Variants in ZNF43 observed in about 807,000 individuals in gnomAD.
ZNF43 encodes the protein zinc finger protein 39-like 1 (KOX 27).
ZNF43 carries 44 observed loss-of-function variants against 68.4 expected under a neutral mutation model. The ratio of observed to expected loss-of-function variants is 0.64; its 90% CI spans 0.51 to 0.83. The LOEUF (loss-of-function observed/expected upper bound fraction) is 0.83. Among genes scored for constraint, ZNF43 ranks in the 40% least tolerant of loss-of-function variants. ZNF43 has a pLI of 0.00. For synonymous variants in ZNF43, 308 were observed against 307.8 expected, an observed-to-expected ratio of 1.00 and a Z score of -0.01; for missense variants, 896 against 933.2, an observed-to-expected ratio of 0.96 and a Z score of 0.52.
intron 1 of ZNF43, among the ~76,000 whole-genome samples, chr19:21,821,708 G>A (rs1315264492): frequency 6.6e-6 from 1 of 152,178 alleles, no homozygotes; most frequent in East Asian, 1.9e-4. Flanking sequence ...AAGCCATGAT[G>A]TAGAGAATGT....
At chr19:21,833,806 T>C (rs1401835564) in intron 1 of ZNF43, among the ~76,000 whole-genome samples, 4 of 151,902 alleles carry the variant, frequency 2.6e-5, no homozygotes, top group African/African-American at 9.7e-5. Flanking sequence ...GGCAGGTGGA[T>C]CTCCTGAGGT....
At chr19:21,843,776 C>T (rs1226490915) in intron 1 of ZNF43, among the ~76,000 whole-genome samples, 1 of 152,014 alleles carries the variant, frequency 6.6e-6, no homozygotes, top group Non-Finnish European at 1.5e-5. Context: ...GAGCGAAACT[C>T]GGTCTTAAAA....
upstream of ZNF43, chr19:21,840,016 G>A (rs994925754): frequency 5.5e-5 from 8 of 145,484 alleles, no homozygotes; most frequent in African/African-American, 2.3e-4. Context: ...CTGGTAGAAA[G>A]AGAGTCACAT....
chr19:21,826,703 G>A (rs935659202), intron 1 of ZNF43: 1 of 152,172 alleles, frequency 6.6e-6, no homozygotes, highest in African/African-American at 2.4e-5. Context: ...GGGTGTGGTG[G>A]TGCATACCTG....
In ZNF43 at chr19:21,836,104, C is replaced by T. The variant is rs1258059378; in HGVS notation, c.-66G>A. On this transcript the variant is annotated 5_prime_UTR_variant, in exon 1 of 4. Coordinates refer to ENST00000354959, the MANE Select transcript of ZNF43 (RefSeq NM_003423.4). Reference sequence around the variant, plus strand: ...CCCCCAATACCCGCAGGTCACAGAGCCACAGAGGCTGGACCTCTAGCAGCA... The same window carrying T: ...CCCCCAATACCCGCAGGTCACAGAGTCACAGAGGCTGGACCTCTAGCAGCA... 4 of 1,611,532 alleles carry T rather than the reference C, an allele frequency of 2.5e-6. No homozygotes were observed. Among genetic ancestry groups the T allele is most frequent in the African/African-American group, 2.7e-5 (2 of 74,868 alleles).
intron 1 of ZNF43, among the ~76,000 whole-genome samples, chr19:21,830,177 GGAGGCGGAGGTTGCAGT>G (rs1008784013): frequency 3.0e-4 from 46 of 152,030 alleles, no homozygotes; most frequent in African/African-American, 9.9e-4. Flanking sequence ...CTTGAACCAG[GGAGGCGGAGGTTGCAGT>G]GAGGCGGAGG....
intron 1 of ZNF43, chr19:21,841,373 G>A (rs1405544599): frequency 6.6e-6 from 1 of 152,174 alleles, no homozygotes; most frequent in Non-Finnish European, 1.5e-5. Flanking sequence ...ATATTACCTG[G>A]TTGCCTGTCC....
intron 1 of ZNF43, among the ~76,000 whole-genome samples, chr19:21,832,112 T>C (rs76621431): frequency 0.04 from 6,062 of 152,228 alleles, 197 homozygotes; most frequent in South Asian, 0.15. Context: ...CTGGAAGCAG[T>C]ACATTACCTG....
In ZNF43 at chr19:21,808,874, T is replaced by C. The variant is rs760730032; in HGVS notation, c.1163A>G (p.His388Arg). ...TTTCTTTTCAGTATGAATTTTCTTA[T>C]GTTTAGTAAGGTTTGAGGACCGGCT... ...AFSRSSNLTK[H>R]KKIHTEKKPY... is the part of the protein sequence containing the mutation. Residue 388 changes from histidine to arginine, a missense_variant, in exon 4 of 4, where the codon CAT (histidine) becomes CGT (arginine). His to Arg is a conservative substitution (Grantham distance 29). Coordinates refer to ENST00000354959, the MANE Select transcript of ZNF43 (RefSeq NM_003423.4). The C allele has an allele frequency of 2.9e-5, 46 of 1,613,786 alleles. No individual in the cohort carries two copies. The highest frequency in any genetic ancestry group is 4.0e-5 in the African/African-American group (3 of 74,900).
At chr19:21,809,924 C>T in intron 3 of ZNF43, 117 bp from the exon 4 acceptor site, 1 of 965,590 alleles carries the variant, frequency 1.0e-6, no homozygotes, top group Non-Finnish European at 1.5e-6. Context: ...AAAAATACCA[C>T]AGGCCCTAAT....
At position 21,805,637 on chromosome 19, in the gene ZNF43, CAA is replaced by C. The variant is rs932669398; in HGVS notation, c.*1968_*1969del. The C allele has an allele frequency of 1.3e-5, 2 of 149,946 alleles. No homozygotes were observed. Among genetic ancestry groups the C allele is most frequent in the Non-Finnish European group, 3.0e-5 (2 of 67,454 alleles). The allele number at this position is 149,946 out of a possible 1,614,324, so 9.3% of individuals were successfully genotyped here. A position where few individuals can be genotyped will look rare whatever the true frequency, so the allele number is the denominator to read the frequency against. ...GTCTCAAAAAAAAAAACCAAACAAA[CAA>C]AAAAAATTATGAATAGCACAAAGAA... On this transcript the variant is annotated 3_prime_UTR_variant, in exon 4 of 4. Coordinates refer to ENST00000354959, the MANE Select transcript of ZNF43 (RefSeq NM_003423.4).
chr19:21,847,689 T>C (rs913599795), intron 1 of ZNF43, among the ~76,000 whole-genome samples: 2 of 127,094 alleles, frequency 1.6e-5, no homozygotes, highest in African/African-American at 7.5e-5. Context: ...AGAGTGAGAC[T>C]CCGTCTCCGA....
intron 1 of ZNF43, among the ~76,000 whole-genome samples, chr19:21,832,493 C>T (rs1208550152): frequency 6.6e-6 from 1 of 152,068 alleles, no homozygotes; most frequent in Non-Finnish European, 1.5e-5. Flanking sequence ...GATGGAGATA[C>T]CAAAAGCAAT....
At chr19:21,833,301 CTT>C (rs1473936092) in intron 1 of ZNF43, among the ~76,000 whole-genome samples, 3 of 152,052 alleles carry the variant, frequency 2.0e-5, no homozygotes, top group African/African-American at 7.2e-5. Context: ...GAGTTTCCCT[CTT>C]GTCGCCCAGG....
intron 1 of ZNF43, among the ~76,000 whole-genome samples, chr19:21,828,031 C>A (rs2038220996): frequency 6.6e-6 from 1 of 152,002 alleles, no homozygotes; most frequent in Non-Finnish European, 1.5e-5. Context: ...AGCAGCATTC[C>A]AATTTAGTTA....
Position 21,820,428 on chromosome 19 carries a change from A to T in ZNF43, c.4-1207T>A, listed in dbSNP as rs188982473. Among the ~76,000 whole-genome samples, 1,037 of 151,210 alleles carry T rather than the reference A, an allele frequency of 6.9e-3. 32 individuals carry two copies. Among genetic ancestry groups the T allele is most frequent in the East Asian group, 0.019 (99 of 5,080 alleles). ...CCCCGTCTGTACTAAAAATACAAAA[A>T]TTAGCTGGGTGCGGTGGCGGGTGCC... On this transcript the variant is annotated intron_variant, in intron 1 of 3. Transcript: ENST00000354959.
chr19:21,812,302 A>AT (rs2037317564), intron 3 of ZNF43, among the ~76,000 whole-genome samples: 1 of 151,916 alleles, frequency 6.6e-6, no homozygotes, highest in Admixed American at 6.6e-5. Flanking sequence ...AATTTTTTAT[A>AT]TTTTTAGTAG....
rs2037168533 is a variant in ZNF43 at position 21,809,438 on chromosome 19, T to C, written c.599A>G (p.Asn200Ser). ...AQHKIIHTRV[N>S]FCKCEKCGKA... ...TCCACATTTTTCACATTTGCAGAAA[T>C]TCACTCTGGTATGAATTATTTTATG... The change falls in exon 4 of 4, where the codon AAT (asparagine) becomes AGT (serine). Residue 200 changes from asparagine to serine, a missense_variant. Asn to Ser is a conservative substitution (Grantham distance 46). Transcript: ENST00000354959. 5.0e-6 allele frequency: 8 copies of C among 1,613,714 alleles called. No homozygotes were observed. Among genetic ancestry groups the C allele is most frequent in the Non-Finnish European group, 5.9e-6 (7 of 1,179,872 alleles).
chr19:21,845,235 A>G (rs1467057892), intron 1 of ZNF43, among the ~76,000 whole-genome samples: 1 of 152,108 alleles, frequency 6.6e-6, no homozygotes, highest in Admixed American at 6.6e-5. Context: ...TCCCAGTGGT[A>G]TGTTACAATG....
Sources: gnomAD v4.1 joint callset for allele counts (sites outside exome capture counted in the v4.1 genomes callset) on GRCh38, gnomAD v4.1.1 for gene constraint, MANE v1.5 for transcripts, NCBI Gene and HGNC (gene_info 2026-07-23, HGNC 2026-07-21) for gene names.